KPNA1: variants seen among roughly 807,000 people sequenced by gnomAD.
The protein encoded by KPNA1 is karyopherin subunit alpha 1, also known as importin subunit alpha-5.
KPNA1 carries 10 observed loss-of-function variants against 70.5 expected under a neutral mutation model. That is an observed-to-expected ratio of 0.14 (90% CI 0.09 to 0.24). KPNA1 has a LOEUF of 0.24. KPNA1 is among the 10% of genes least tolerant of loss of function. The probability of loss-of-function intolerance (pLI) is 1.00; values close to 1 mark genes in which losing one functional copy is unlikely to be tolerated. For missense variants in KPNA1, 397 were observed against 637.9 expected (o/e 0.62, Z 4.07); for synonymous variants, 192 against 221.9 (o/e 0.87, Z 1.20).
At chr3:122,472,792 C>G (rs1395765763) in intron 2 of KPNA1, among the ~76,000 whole-genome samples, 1 of 152,136 alleles carries the variant, frequency 6.6e-6, no homozygotes, top group Non-Finnish European at 1.5e-5. Context: ...TAAAATAATA[C>G]TGGCCAGGCA....
At position 122,427,530 on chromosome 3, in the gene KPNA1, C is replaced by T; in HGVS notation, c.1429+8G>A. ...TGGCCATAAACTTCTTCAACCAAAG[C>T]ATCTTACCATAAGCTTCTTCAATCA... On this transcript the variant is annotated splice_region_variant and intron_variant, in intron 13 of 13. Transcript: ENST00000344337. 6.2e-7 allele frequency: 1 copy of T among 1,607,730 alleles called. No individual in the cohort carries two copies.
chr3:122,480,439 T>TA (rs55762344), intron 2 of KPNA1, among the ~76,000 whole-genome samples: 21,277 of 145,436 alleles, frequency 0.15, 1,564 homozygotes, highest in East Asian at 0.31. Flanking sequence ...CAAAAACTGC[T>TA]AAAAAAAAAA....
In KPNA1 at chr3:122,449,757, A is replaced by G. The variant is rs772575389; in HGVS notation, c.754-20T>C. On this transcript the variant is annotated intron_variant, in intron 8 of 13. Coordinates refer to ENST00000344337, the MANE Select transcript of KPNA1 (RefSeq NM_002264.4). ...AGAAACCTGTAAAAGGAAAATGATG[A>G]TTATGAAATTCAATAGACTAAAAGC... The G allele has an allele frequency of 1.3e-6, 2 of 1,594,652 alleles. No homozygotes were observed. Among genetic ancestry groups the G allele is most frequent in the Non-Finnish European group, 1.7e-6 (2 of 1,171,576 alleles).
intron 4 of KPNA1, among the ~76,000 whole-genome samples, chr3:122,462,103 A>C (rs6438731): frequency 0.61 from 91,975 of 151,952 alleles, 28,158 homozygotes; most frequent in East Asian, 0.77. Flanking sequence ...TTGAACATTT[A>C]TATTAACCAC....
intron 1 of KPNA1, among the ~76,000 whole-genome samples, chr3:122,507,622 C>T (rs1019847538): frequency 6.6e-6 from 1 of 152,012 alleles, no homozygotes; most frequent in Middle Eastern, 3.2e-3. Context: ...ACCTAAAACA[C>T]TGAATTTCTA....
chr3:122,438,180 T>C (rs900037091), intron 10 of KPNA1, among the ~76,000 whole-genome samples: 3 of 152,132 alleles, frequency 2.0e-5, no homozygotes, highest in African/African-American at 7.2e-5. Context: ...GGTTCTGTTC[T>C]AGTATGTAGC....
At chr3:122,496,870 A>AT (rs1225120003) in intron 1 of KPNA1, among the ~76,000 whole-genome samples, 1 of 152,054 alleles carries the variant, frequency 6.6e-6, no homozygotes, top group Non-Finnish European at 1.5e-5. Flanking sequence ...TGCCCAGAGA[A>AT]TTTTTTTATT....
intron 3 of KPNA1, chr3:122,464,391 A>G (rs1218340668): frequency 5.9e-6 from 1 of 169,818 alleles, no homozygotes; most frequent in African/African-American, 2.4e-5. Context: ...TCCAAGCCTA[A>G]AGTAGCCACT....
chr3:122,509,119 C>T (rs957633129), intron 1 of KPNA1, among the ~76,000 whole-genome samples: 14 of 151,674 alleles, frequency 9.2e-5, no homozygotes, highest in Non-Finnish European at 1.6e-4. Flanking sequence ...AGTGGCGGGC[C>T]CCTGTAAACC....
chr3:122,448,040 T>C (rs1416563806), intron 9 of KPNA1, among the ~76,000 whole-genome samples: 1 of 152,018 alleles, frequency 6.6e-6, no homozygotes, highest in Non-Finnish European at 1.5e-5. Flanking sequence ...ATCAGAGAAA[T>C]GCAAATCAAA....
At chr3:122,452,186 G>T in intron 6 of KPNA1, 122 bp from the exon 7 acceptor site, 2 of 747,840 alleles carry the variant, frequency 2.7e-6, no homozygotes, top group South Asian at 1.5e-5. Flanking sequence ...TGTAGGATTG[G>T]GGGAGGAAGA....
chr3:122,468,774 A>C (rs2076409518), intron 2 of KPNA1, among the ~76,000 whole-genome samples: 1 of 152,236 alleles, frequency 6.6e-6, no homozygotes, highest in African/African-American at 2.4e-5. Context: ...AAAGAACTAA[A>C]AAGAAATGCA....
intron 5 of KPNA1, among the ~76,000 whole-genome samples, chr3:122,458,716 CA>C (rs2076291105): frequency 2.6e-5 from 4 of 152,140 alleles, no homozygotes; most frequent in Admixed American, 2.6e-4. Context: ...TCCAAGAAGG[CA>C]GAGGAAGGAG....
chr3:122,498,066 G>A (rs923615724), intron 1 of KPNA1, among the ~76,000 whole-genome samples: 1 of 152,158 alleles, frequency 6.6e-6, no homozygotes, highest in Non-Finnish European at 1.5e-5. Flanking sequence ...AGCATGGTAT[G>A]AGAGTCCAAC....
intron 11 of KPNA1, 129 bp downstream of exon 11, chr3:122,437,041 G>T: frequency 1.2e-6 from 1 of 848,430 alleles, no homozygotes; most frequent in Non-Finnish European, 1.8e-6. Context: ...CAGCCTCCCA[G>T]AGTGCTGGGA....
intron 1 of KPNA1, among the ~76,000 whole-genome samples, chr3:122,509,132 G>A (rs2076924678): frequency 6.6e-6 from 1 of 151,770 alleles, no homozygotes; most frequent in Non-Finnish European, 1.5e-5. Context: ...TGTAAACCCA[G>A]CTACTCGTGA....
At chr3:122,443,990 G>A (rs1183297813) in intron 9 of KPNA1, among the ~76,000 whole-genome samples, 1 of 152,186 alleles carries the variant, frequency 6.6e-6, no homozygotes, top group African/African-American at 2.4e-5. Flanking sequence ...GCAAGCCTGA[G>A]GGCACTGAAG....
At chr3:122,482,155 C>T (rs1018811170) in intron 2 of KPNA1, among the ~76,000 whole-genome samples, 3 of 152,252 alleles carry the variant, frequency 2.0e-5, no homozygotes, top group Non-Finnish European at 4.4e-5. Flanking sequence ...AGCTACTACA[C>T]GCCTAGGCGA....
chr3:122,478,262 T>C (rs1348890478), intron 2 of KPNA1, among the ~76,000 whole-genome samples: 1 of 151,476 alleles, frequency 6.6e-6, no homozygotes, highest in Admixed American at 6.6e-5. Flanking sequence ...AAAACAAATC[T>C]AAACCACAGG....
Sources: allele counts gnomAD v4.1 joint callset (sites outside exome capture counted in the v4.1 genomes callset), GRCh38; gene constraint gnomAD v4.1.1; transcripts MANE v1.5; gene names NCBI Gene and HGNC (gene_info 2026-07-23, HGNC 2026-07-21).